CHD6: variants seen among roughly 807,000 people sequenced by gnomAD.
CHD6 encodes the protein ATP-dependent chromatin remodeler CHD6.
CHD6 carries 50 observed loss-of-function variants against 276.9 expected under a neutral mutation model. The ratio of observed to expected loss-of-function variants is 0.18; its 90% CI spans 0.14 to 0.23. The LOEUF is 0.23. Among genes scored for constraint, CHD6 ranks in the 10% least tolerant of loss-of-function variants. The pLI is 1.00. For missense variants in CHD6, 2,564 were observed against 3,365.8 expected (o/e 0.76, Z 5.89); for synonymous variants, 1,173 against 1,229.3 (o/e 0.95, Z 0.96).
At chr20:41,453,016 C>G in intron 20 of CHD6, 74 bp from the exon 21 acceptor site, 1 of 1,214,720 alleles carries the variant, frequency 8.2e-7, no homozygotes, top group Non-Finnish European at 1.2e-6. Flanking sequence ...AGTGTATCCT[C>G]AGGACACATT....
chr20:41,455,271 G>A (rs2048347662), intron 19 of CHD6, among the ~76,000 whole-genome samples: 1 of 152,264 alleles, frequency 6.6e-6, no homozygotes. Context: ...GGAATCAGCA[G>A]TGGTTGTGGC....
intron 2 of CHD6, among the ~76,000 whole-genome samples, chr20:41,541,189 C>A (rs2044935664): frequency 6.6e-6 from 1 of 152,184 alleles, no homozygotes. Flanking sequence ...ATGTCTCTTT[C>A]TCTCTTTCTT....
intron 1 of CHD6, among the ~76,000 whole-genome samples, chr20:41,560,238 A>G (rs1003155901): frequency 2.0e-5 from 3 of 152,152 alleles, no homozygotes; most frequent in African/African-American, 7.2e-5. Flanking sequence ...AAAAAATAAA[A>G]ACATATTCCT....
intron 2 of CHD6, among the ~76,000 whole-genome samples, chr20:41,551,070 A>G (rs2045138383): frequency 6.6e-6 from 1 of 152,228 alleles, no homozygotes; most frequent in African/African-American, 2.4e-5. Flanking sequence ...GCTAATTTGA[A>G]TAATATTCTG....
Position 41,404,978 on chromosome 20 carries a change from G to C in CHD6, c.7763C>G (p.Pro2588Arg). ...VKTDTLAEDK[P>R]GPGPFSDQSE... ...CTGATCAGAAAATGGACCTGGACCA[G>C]GCTTGTCCTCAGCTAAAGTGTCTGT... Residue 2588 changes from proline (P) to arginine (R), a missense_variant, in exon 37 of 37, where the codon CCT becomes CGT. Coordinates refer to ENST00000373233, the MANE Select transcript of CHD6 (RefSeq NM_032221.5). The C allele has an allele frequency of 1.2e-6, 2 of 1,614,212 alleles. No homozygotes were observed. The highest frequency in any genetic ancestry group is 4.5e-5 in the East Asian group (2 of 44,892).
At chr20:41,546,758 C>T (rs1027833587) in intron 2 of CHD6, among the ~76,000 whole-genome samples, 11 of 152,052 alleles carry the variant, frequency 7.2e-5, no homozygotes, top group African/African-American at 2.4e-4. Flanking sequence ...ATTAAAATAA[C>T]GTATTTCTTA....
intron 17 of CHD6, chr20:41,462,042 G>A (rs937301489): frequency 6.6e-6 from 1 of 152,156 alleles, no homozygotes; most frequent in Non-Finnish European, 1.5e-5. Flanking sequence ...ACAACAATCT[G>A]GATACCCTAG....
At position 41,403,206 on chromosome 20, in the gene CHD6, G is replaced by T; in HGVS notation, c.*1387C>A. ...ATACAGTAAATTGTGACAACAAAAA[G>T]TGAAACTGGTACTAGTAACACTTGC... On this transcript the variant is annotated 3_prime_UTR_variant, in exon 37 of 37. Coordinates refer to ENST00000373233, the MANE Select transcript of CHD6 (RefSeq NM_032221.5). 1.0e-6 allele frequency: 1 copy of T among 984,572 alleles called. No homozygotes were observed. Among genetic ancestry groups the T allele is most frequent in the Non-Finnish European group, 1.2e-6 (1 of 806,740 alleles). 61.0% of individuals were successfully genotyped at this position (984,572 alleles called of 1,614,324 possible). A position where few individuals can be genotyped will look rare whatever the true frequency, so the allele number is the denominator to read the frequency against.
rs371697938 is a variant in CHD6 at position 41,493,631 on chromosome 20, A to G, written c.1221T>C (p.Tyr407=). 8.1e-6 allele frequency: 13 copies of G among 1,613,754 alleles called. No homozygotes were observed. In the African/African-American group the frequency reaches 1.6e-4, roughly 20 times the overall value. ...HYLVKWCSLP[Y]EESTWELEED... is the part of the protein sequence containing the mutation. The stretch of plus-strand genomic sequence containing the variant: ...CCTCTAGCTCCCACGTGCTTTCTTC[A>G]TATGGTAGTGAGCACCACTTCACCA... The change falls in exon 10 of 37, where the codon TAT becomes TAC. Residue 407 remains tyrosine, a synonymous_variant. Coordinates refer to ENST00000373233, the MANE Select transcript of CHD6 (RefSeq NM_032221.5).
chr20:41,554,869 A>G (rs1283274581), intron 1 of CHD6, among the ~76,000 whole-genome samples: 1 of 152,140 alleles, frequency 6.6e-6, no homozygotes, highest in Non-Finnish European at 1.5e-5. Flanking sequence ...CATTGTCATC[A>G]TGGCCTGTTC....
intron 35 of CHD6, among the ~76,000 whole-genome samples, chr20:41,412,601 C>T (rs182866113): frequency 1.3e-5 from 2 of 152,334 alleles, no homozygotes; most frequent in South Asian, 2.1e-4. Context: ...CTGCTACTTG[C>T]CTGGCTGGTT....
At chr20:41,456,108 A>C (rs1304439345) in intron 18 of CHD6, 129 bp from the exon 19 acceptor site, 29 of 826,792 alleles carry the variant, frequency 3.5e-5, no homozygotes, top group Non-Finnish European at 4.9e-5. Flanking sequence ...GGACGTGGGC[A>C]ACAAACTTCA....
chr20:41,497,515 T>C lies in CHD6; in HGVS notation c.975-14A>G, dbSNP rs757929554. The C allele has an allele frequency of 3.8e-6, 6 of 1,569,262 alleles. No homozygotes were observed. The highest frequency in any genetic ancestry group is 4.4e-6 in the Non-Finnish European group (5 of 1,139,116). ...TGTAAGTAGGAACTATCCAAAGACATACAAATTGTCAGGCAAGCACATAAC... is the reference window on the plus strand; with the variant it reads ...TGTAAGTAGGAACTATCCAAAGACACACAAATTGTCAGGCAAGCACATAAC... On this transcript the variant is annotated splice_polypyrimidine_tract_variant and intron_variant, in intron 7 of 36. Transcript: ENST00000373233.
In CHD6 at chr20:41,421,807, C is replaced by T. The variant is rs751943490; in HGVS notation, c.4828G>A (p.Asp1610Asn). The T allele has an allele frequency of 2.7e-5, 44 of 1,614,172 alleles. No homozygotes were observed. The highest frequency in any genetic ancestry group is 3.6e-5 in the Non-Finnish European group (43 of 1,180,042). Residue 1610 changes from aspartate to asparagine, a missense_variant, in exon 31 of 37, where the codon GAT becomes AAT. Around this residue, in one of 7 missense-constraint regions of CHD6, gnomAD observed 1,024 missense variants for 1,047.9 expected, o/e 0.98. Transcript: ENST00000373233. The part of the protein sequence containing the change: ...IMNDPQLSFL[D>N]AYRNYAQHKR... ...TGCTGGGCATAGTTTCTATAGGCAT[C>T]CAGGAAGGACAGCTGGGGGTCGTTC... is the stretch of plus-strand genomic sequence containing the variant.
intron 1 of CHD6, among the ~76,000 whole-genome samples, chr20:41,584,450 A>C (rs2045572116): frequency 6.6e-6 from 1 of 152,180 alleles, no homozygotes; most frequent in Non-Finnish European, 1.5e-5. Context: ...TATCTAGAAG[A>C]TACCAATAAC....
intron 1 of CHD6, among the ~76,000 whole-genome samples, chr20:41,570,783 G>A (rs1289410590): frequency 6.6e-6 from 1 of 152,226 alleles, no homozygotes; most frequent in Non-Finnish European, 1.5e-5. Flanking sequence ...TGAGCTTTAA[G>A]CAGCTGGCTC....
intron 1 of CHD6, among the ~76,000 whole-genome samples, chr20:41,579,230 T>C (rs769761451): frequency 1.2e-4 from 17 of 143,796 alleles, no homozygotes; most frequent in Non-Finnish European, 2.0e-4. Context: ...AGGTCAGGAG[T>C]TCGAGACCAG....
chr20:41,483,233 T>G (rs988143900), intron 16 of CHD6, 76 bp downstream of exon 16: 2 of 1,357,034 alleles, frequency 1.5e-6, no homozygotes, highest in African/African-American at 2.9e-5. Context: ...AAACAAAATT[T>G]TTGAATGGAT....
chr20:41,474,566 C>A (rs2043130323), intron 16 of CHD6, among the ~76,000 whole-genome samples: 1 of 152,158 alleles, frequency 6.6e-6, no homozygotes, highest in Admixed American at 6.5e-5. Context: ...GAGAAAAGAA[C>A]CAAATCACCC....
Sources: gnomAD v4.1 joint callset for allele counts (sites outside exome capture counted in the v4.1 genomes callset) on GRCh38, gnomAD v4.1.1 for gene constraint, gnomAD v4.1.1 regional missense constraint, MANE v1.5 for transcripts, NCBI Gene and HGNC (gene_info 2026-07-23, HGNC 2026-07-21) for gene names.